Variants in CCDC85A observed in about 807,000 individuals in gnomAD.
The protein encoded by CCDC85A is coiled-coil domain-containing protein 85A.
A neutral mutation model predicts 50.2 loss-of-function variants in CCDC85A; 38 were observed. The observed-to-expected ratio is 0.76, with a 90% CI of 0.58 to 0.99. The LOEUF (loss-of-function observed/expected upper bound fraction) is 0.99. Ranked by LOEUF, CCDC85A falls within the 50% of genes least tolerant of loss-of-function variation. The probability of loss-of-function intolerance (pLI) is 0.00; values close to 1 mark genes in which losing one functional copy is unlikely to be tolerated. For missense variants in CCDC85A, 820 were observed against 742.0 expected (o/e 1.11, Z -1.22); for synonymous variants, 366 against 301.4 (o/e 1.21, Z -2.22).
chr2:56,327,465 T>A (rs1673533903), intron 2 of CCDC85A, among the ~76,000 whole-genome samples: 1 of 152,140 alleles, frequency 6.6e-6, no homozygotes, highest in Non-Finnish European at 1.5e-5. Context: ...TAAAATAACT[T>A]CTTCTTTCCT....
intron 3 of CCDC85A, among the ~76,000 whole-genome samples, chr2:56,352,103 A>G (rs1674978109): frequency 6.6e-6 from 1 of 152,164 alleles, no homozygotes; most frequent in Admixed American, 6.6e-5. Flanking sequence ...TCTACTTTTC[A>G]TTTTTTGTTT....
intron 2 of CCDC85A, among the ~76,000 whole-genome samples, chr2:56,336,411 C>T (rs1573288760): frequency 6.6e-6 from 1 of 152,194 alleles, no homozygotes; most frequent in Non-Finnish European, 1.5e-5. Flanking sequence ...GCCTTGGCCT[C>T]CCAAAGTGCT....
Position 56,303,236 on chromosome 2 carries a change from A to G in CCDC85A, c.1241-39643A>G, listed in dbSNP as rs544925930. Among the ~76,000 whole-genome samples, 21 of 152,184 alleles carry G rather than the reference A, an allele frequency of 1.4e-4. 1 individual carries two copies. In the East Asian group the frequency reaches 3.9e-3, roughly 28 times the overall value. ...CTGGGGTTATGTCTCTTTCCTCTGT[A>G]TCTCCCCAGTCATGGCACGTAGTAA... On this transcript the variant is annotated intron_variant, in intron 2 of 5. Coordinates refer to ENST00000407595, the MANE Select transcript of CCDC85A (RefSeq NM_001080433.2).
At chr2:56,234,723 C>G (rs1458705224) in intron 2 of CCDC85A, among the ~76,000 whole-genome samples, 1 of 152,040 alleles carries the variant, frequency 6.6e-6, no homozygotes, top group African/African-American at 2.4e-5. Context: ...TAAAGATATT[C>G]AGAATCGATT....
chr2:56,265,906 TA>T (rs1670418656), intron 2 of CCDC85A, among the ~76,000 whole-genome samples: 1 of 152,154 alleles, frequency 6.6e-6, no homozygotes, highest in South Asian at 2.1e-4. Context: ...TGTCCAACAG[TA>T]GATGAGTTAA....
At chr2:56,249,499 C>A (rs12623278) in intron 2 of CCDC85A, among the ~76,000 whole-genome samples, 23,285 of 152,216 alleles carry the variant, frequency 0.15, 2,108 homozygotes, top group East Asian at 0.28. Flanking sequence ...GTGAATCTGT[C>A]CCTGAAGAAC....
intron 2 of CCDC85A, among the ~76,000 whole-genome samples, chr2:56,222,401 T>C (rs1256778909): frequency 2.0e-5 from 3 of 152,156 alleles, no homozygotes. Context: ...AGTAACCCAT[T>C]ATGCCATATC....
intron 2 of CCDC85A, among the ~76,000 whole-genome samples, chr2:56,284,415 C>G (rs1314668221): frequency 6.6e-6 from 1 of 152,110 alleles, no homozygotes; most frequent in Non-Finnish European, 1.5e-5. Context: ...TCTTGTTGCC[C>G]AGGTTGGAGT....
At chr2:56,266,581 C>CCT (rs1233858699) in intron 2 of CCDC85A, among the ~76,000 whole-genome samples, 1 of 118,056 alleles carries the variant, frequency 8.5e-6, no homozygotes, top group Non-Finnish European at 1.8e-5. Flanking sequence ...ATAACGCGCC[C>CCT]CCCCCCCCCA....
chr2:56,230,113 T>G (rs891846376), intron 2 of CCDC85A, among the ~76,000 whole-genome samples: 1 of 152,212 alleles, frequency 6.6e-6, no homozygotes, highest in Non-Finnish European at 1.5e-5. Context: ...TTTGGCAACA[T>G]CAAGCCCAGC....
chr2:56,184,130 G>T lies in CCDC85A; in HGVS notation c.-495G>T. On this transcript the variant is annotated 5_prime_UTR_variant, in exon 1 of 6. Coordinates refer to ENST00000407595, the MANE Select transcript of CCDC85A (RefSeq NM_001080433.2). Reference sequence around the variant, plus strand: ...GCTAGAGCAGCCGGGGAGGCGCCGCGGTGCCCGGCGCGCCCTCCAAGCTAG... The same window carrying T: ...GCTAGAGCAGCCGGGGAGGCGCCGCTGTGCCCGGCGCGCCCTCCAAGCTAG... The T allele has an allele frequency of 4.1e-6, 4 of 985,496 alleles. No individual in the cohort carries two copies. Among genetic ancestry groups the T allele is most frequent in the Non-Finnish European group, 3.6e-6 (3 of 830,106 alleles). 61.0% of individuals were successfully genotyped at this position (985,496 alleles called of 1,614,324 possible). A position where few individuals can be genotyped will look rare whatever the true frequency, so the allele number is the denominator to read the frequency against.
At chr2:56,243,634 C>T (rs1291189095) in intron 2 of CCDC85A, among the ~76,000 whole-genome samples, 1 of 152,080 alleles carries the variant, frequency 6.6e-6, no homozygotes, top group African/African-American at 2.4e-5. Flanking sequence ...AGGCTTGGCC[C>T]CTGGTTCCTT....
chr2:56,295,431 A>G (rs188788248), intron 2 of CCDC85A, among the ~76,000 whole-genome samples: 7 of 152,208 alleles, frequency 4.6e-5, no homozygotes, highest in African/African-American at 1.7e-4. Context: ...CATAAATATA[A>G]TTGATTAATA....
chr2:56,319,465 A>G (rs190337642), intron 2 of CCDC85A, among the ~76,000 whole-genome samples: 25 of 152,234 alleles, frequency 1.6e-4, no homozygotes, highest in African/African-American at 5.8e-4. Context: ...CACCAGAACA[A>G]ATTTCAAAAA....
intron 2 of CCDC85A, among the ~76,000 whole-genome samples, chr2:56,201,239 C>A (rs751815844): frequency 2.0e-5 from 3 of 151,850 alleles, no homozygotes; most frequent in Admixed American, 6.6e-5. Flanking sequence ...CATTTTCAGC[C>A]GTATGAAGGA....
At chr2:56,376,065 T>TTTTTAAATC in intron 5 of CCDC85A, 130 bp downstream of exon 5, 2 of 928,614 alleles carry the variant, frequency 2.2e-6, no homozygotes, top group Non-Finnish European at 3.0e-6. Flanking sequence ...ATGGTGTAAC[T>TTTTTAAATC]TTTTAAATCT....
At chr2:56,232,766 T>C (rs1326139927) in intron 2 of CCDC85A, among the ~76,000 whole-genome samples, 1 of 152,194 alleles carries the variant, frequency 6.6e-6, no homozygotes, top group Non-Finnish European at 1.5e-5. Context: ...ATTCCCATAT[T>C]TCTCCATCTT....
chr2:56,232,318 A>T (rs900534293), intron 2 of CCDC85A, among the ~76,000 whole-genome samples: 2 of 152,140 alleles, frequency 1.3e-5, no homozygotes, highest in Non-Finnish European at 2.9e-5. Context: ...GATATTAGAA[A>T]ATGGTACCGC....
At chr2:56,277,106 T>C (rs549832997) in intron 2 of CCDC85A, among the ~76,000 whole-genome samples, 1 of 152,160 alleles carries the variant, frequency 6.6e-6, no homozygotes, top group Admixed American at 6.5e-5. Flanking sequence ...TTTGATGACT[T>C]TTTTCATTCT....
Sources: gnomAD v4.1 joint callset for allele counts (sites outside exome capture counted in the v4.1 genomes callset) on GRCh38, gnomAD v4.1.1 for gene constraint, MANE v1.5 for transcripts, NCBI Gene and HGNC (gene_info 2026-07-23, HGNC 2026-07-21) for gene names.